The following LLGL1 variants were observed in gnomAD, a reference collection of about 807,000 sequenced individuals.
The protein encoded by LLGL1 is LLGL scribble cell polarity complex component 1, also known as lethal(2) giant larvae protein homolog 1.
In LLGL1, 58 loss-of-function variants were observed where a neutral mutation model predicts 110.6. The ratio of observed to expected loss-of-function variants is 0.52; its 90% CI spans 0.42 to 0.65. The LOEUF (loss-of-function observed/expected upper bound fraction) is 0.65. Ranked by LOEUF, LLGL1 falls within the 30% of genes least tolerant of loss-of-function variation. The pLI, the probability that LLGL1 is intolerant of heterozygous loss-of-function variation, is 0.00. For missense variants in LLGL1, 1,229 were observed against 1,462.1 expected (o/e 0.84, Z 2.60); for synonymous variants, 674 against 607.2 (o/e 1.11, Z -1.62).
intron 16 of LLGL1, among the ~76,000 whole-genome samples, chr17:18,239,192 C>T (rs567654469): frequency 9.9e-4 from 151 of 152,162 alleles, no homozygotes; most frequent in African/African-American, 3.4e-3. Context: ...GCCCAGGCCC[C>T]GAGCCGGGCA....
rs773059619 is a variant in LLGL1 at position 18,234,254 on chromosome 17, T to C, written c.715-19T>C. 8 of 1,594,146 alleles carry C rather than the reference T, an allele frequency of 5.0e-6. No homozygotes were observed. The highest frequency in any genetic ancestry group is 2.3e-5 in the East Asian group (1 of 43,814). On this transcript the variant is annotated intron_variant, in intron 6 of 22. Transcript: ENST00000316843. ...CATGGCTCATGCCTGCCTGCCTGCC[T>C]GCCCCTGCCTGCCCGCAGCAGCTGG...
intron 1 of LLGL1, among the ~76,000 whole-genome samples, chr17:18,229,454 T>A (rs1366352642): frequency 6.6e-6 from 1 of 152,128 alleles, no homozygotes; most frequent in Non-Finnish European, 1.5e-5. Context: ...CCTTGACCTC[T>A]GACCTCCACT....
chr17:18,234,734 G>T, intron 8 of LLGL1, 31 bp downstream of exon 8: 2 of 1,614,030 alleles, frequency 1.2e-6, no homozygotes, highest in Non-Finnish European at 1.7e-6. Context: ...TCCGATGTGA[G>T]TTGGGTCTGG....
intron 17 of LLGL1, chr17:18,241,229 GTGAT>G (rs1333996332): frequency 3.2e-6 from 2 of 626,492 alleles, no homozygotes; most frequent in Non-Finnish European, 5.5e-6. Flanking sequence ...GCATAACTCT[GTGAT>G]TGATTTTGTC....
At chr17:18,239,826 G>T (rs563286556) in intron 16 of LLGL1, among the ~76,000 whole-genome samples, 1 of 152,074 alleles carries the variant, frequency 6.6e-6, no homozygotes, top group African/African-American at 2.4e-5. Context: ...CCACTGGCCC[G>T]AGAAGGCCGA....
Position 18,233,468 on chromosome 17 carries a change from C to T in LLGL1, c.393-310C>T, listed in dbSNP as rs568124097. On this transcript the variant is annotated intron_variant, in intron 4 of 22. Transcript: ENST00000316843. ...AGCGGGATTCCTAGGAGGGGCTCAGCGGGGAGCTCCTGGTCCTGGCTTGGG... is the reference window on the plus strand; with the variant it reads ...AGCGGGATTCCTAGGAGGGGCTCAGTGGGGAGCTCCTGGTCCTGGCTTGGG... 8.5e-5 allele frequency among the ~76,000 whole-genome samples: 13 copies of T among 152,198 alleles called. No homozygotes were observed. The East Asian group carries it at 2.1e-3, about 25-fold the overall frequency.
Position 18,242,254 on chromosome 17 carries a change from G to A in LLGL1, c.2971G>A (p.Asp991Asn). The A allele has an allele frequency of 6.2e-7, 1 of 1,614,058 alleles. No individual in the cohort carries two copies. Among genetic ancestry groups the A allele is most frequent in the Non-Finnish European group, 8.5e-7 (1 of 1,179,968 alleles). ...LAPQSLDGSP[D>N]PAHSMGPDTP... Reference sequence around the variant, plus strand: ...CCCACAGAGCCTTGATGGAAGCCCTGATCCAGCCCACAGCATGGGACCTGG... The same window carrying A: ...CCCACAGAGCCTTGATGGAAGCCCTAATCCAGCCCACAGCATGGGACCTGG... Residue 991 changes from aspartate to asparagine, a missense_variant, in exon 20 of 23, where the codon GAT becomes AAT. Coordinates refer to ENST00000316843, the MANE Select transcript of LLGL1 (RefSeq NM_004140.4).
chr17:18,241,059 C>A, intron 17 of LLGL1, 186 bp downstream of exon 17: 1 of 652,706 alleles, frequency 1.5e-6, no homozygotes, highest in Non-Finnish European at 2.5e-6. Flanking sequence ...CCTGATGCCC[C>A]CTCAGCCTGC....
At chr17:18,238,839 C>T (rs2047756550) in intron 16 of LLGL1, among the ~76,000 whole-genome samples, 1 of 152,110 alleles carries the variant, frequency 6.6e-6, no homozygotes, top group Admixed American at 6.5e-5. Context: ...GGTGAAACCT[C>T]GTCTCTACTA....
chr17:18,243,719 A>AT (rs1336754751), intron 22 of LLGL1, among the ~76,000 whole-genome samples, 189 bp from the exon 23 acceptor site: 4 of 152,206 alleles, frequency 2.6e-5, no homozygotes, highest in African/African-American at 9.6e-5. Context: ...TCAGTGGGGC[A>AT]TATGTGGCCT....
At chr17:18,230,706 G>A (rs1290248503) in intron 2 of LLGL1, among the ~76,000 whole-genome samples, 2 of 152,168 alleles carry the variant, frequency 1.3e-5, no homozygotes, top group African/African-American at 4.8e-5. Context: ...GGTGAGGGGT[G>A]CTGACCCCTA....
rs1353979513 is a variant in LLGL1, at chr17:18,235,082, C to T, written c.1061-7C>T. ...TGTGCTCACCCCATACTCCCTCCGT[C>T]CCACAGAATTTGATGACCCCCAGGC... On this transcript the variant is annotated splice_polypyrimidine_tract_variant and splice_region_variant and intron_variant, in intron 9 of 22. Coordinates refer to ENST00000316843, the MANE Select transcript of LLGL1 (RefSeq NM_004140.4). The T allele has an allele frequency of 6.2e-7, 1 of 1,613,838 alleles. No individual in the cohort carries two copies. The highest frequency in any genetic ancestry group is 1.3e-5 in the African/African-American group (1 of 74,950).
rs770359507 is a variant in LLGL1 at position 18,234,986 on chromosome 17, C to G, written c.1053C>G (p.Pro351=). The change falls in exon 9 of 23, where the codon CCC becomes CCG. Residue 351 remains proline (P), a synonymous_variant. Transcript: ENST00000316843. ...TCTTCACAGTGCACAGCACACGGCC[C>G]GAGGATGGTGCGTGCCCTGCCGTAC... ...IDFFTVHSTR[P]EDEFDDPQAL... is the part of the protein sequence containing the mutation. 2.5e-6 allele frequency: 4 copies of G among 1,613,880 alleles called. No individual in the cohort carries two copies. Among genetic ancestry groups the G allele is most frequent in the South Asian group, 2.2e-5 (2 of 91,074 alleles).
In LLGL1 at chr17:18,229,930, C is replaced by T. The variant is rs73288285; in HGVS notation, c.82-11C>T. On this transcript the variant is annotated splice_polypyrimidine_tract_variant and intron_variant, in intron 1 of 22. Coordinates refer to ENST00000316843, the MANE Select transcript of LLGL1 (RefSeq NM_004140.4). ...GAGTGCTTACCCCCAGCAGCCCTCC[C>T]CTCCTTGCAGACTGTGGAGCATGGC... 637 of 1,598,094 alleles carry T rather than the reference C, an allele frequency of 4.0e-4. 1 individual carries two copies. The African/African-American group carries it at 7.4e-3, about 19-fold the overall frequency.
In LLGL1 at chr17:18,241,867, A is replaced by G. The variant is rs1252116703; in HGVS notation, c.2768-18A>G. The G allele has an allele frequency of 6.2e-6, 10 of 1,609,152 alleles. 1 individual carries two copies. The East Asian group carries it at 2.0e-4, about 32-fold the overall frequency. ...GTGGTATCTTCTAACTGCACTCCTC[A>G]TTCTTCTGCCCACCCAGGCTTTTAC... On this transcript the variant is annotated intron_variant, in intron 18 of 22. Coordinates refer to ENST00000316843, the MANE Select transcript of LLGL1 (RefSeq NM_004140.4).
chr17:18,232,848 T>A (rs1276682561), intron 4 of LLGL1, 46 bp downstream of exon 4: 2 of 1,610,374 alleles, frequency 1.2e-6, no homozygotes, highest in Non-Finnish European at 1.7e-6. Context: ...AGGGAGGATC[T>A]GGGGGAGGCT....
rs1048417132 is a variant in LLGL1, at chr17:18,237,538, A to G, written c.1669A>G (p.Ile557Val). 6.2e-7 allele frequency: 1 copy of G among 1,607,524 alleles called. No homozygotes were observed. The highest frequency in any genetic ancestry group is 1.7e-5 in the Admixed American group (1 of 59,894). Residue 557 changes from isoleucine to valine, a missense_variant, in exon 14 of 23, where the codon ATA becomes GTA. Physicochemically the swap from Ile to Val is conservative, Grantham distance 29. Coordinates refer to ENST00000316843, the MANE Select transcript of LLGL1 (RefSeq NM_004140.4). ...PVEQAVSVAI[I>V]DLLQDREGFT... is the part of the protein sequence containing the mutation. ...GGAGCAGGCGGTCAGCGTGGCCATC[A>G]TAGACCTCCTCCAGGACCGCGAGGG...
intron 7 of LLGL1, 117 bp downstream of exon 7, chr17:18,234,525 C>T: frequency 6.4e-7 from 1 of 1,574,364 alleles, no homozygotes; most frequent in Non-Finnish European, 8.7e-7. Flanking sequence ...CAGTGTGTCT[C>T]CCGCCGACTT....
At chr17:18,236,104 C>CT (rs1178921953) in intron 11 of LLGL1, 1 of 182,798 alleles carries the variant, frequency 5.5e-6, no homozygotes, top group Non-Finnish European at 1.2e-5. Flanking sequence ...AGCTGTGTCC[C>CT]AAGGCTGCGC....
Sources: allele counts gnomAD v4.1 joint callset (sites outside exome capture counted in the v4.1 genomes callset), GRCh38; gene constraint gnomAD v4.1.1; transcripts MANE v1.5; gene names NCBI Gene and HGNC (gene_info 2026-07-23, HGNC 2026-07-21).